COPS3: variants seen among roughly 807,000 people sequenced by gnomAD.
COPS3 encodes the protein COP9 signalosome complex subunit 3.
In COPS3, 10 loss-of-function variants were observed where a neutral mutation model predicts 58.2. The ratio of observed to expected loss-of-function variants is 0.17; its 90% confidence interval spans 0.11 to 0.29. The LOEUF is 0.29. Among genes scored for constraint, COPS3 ranks in the 10% least tolerant of loss-of-function variants. The pLI is 1.00. For missense variants in COPS3, 333 were observed against 510.1 expected (o/e 0.65, Z 3.34); for synonymous variants, 187 against 181.7 (o/e 1.03, Z -0.24).
At chr17:17,257,886 G>T (rs2048013960) in intron 8 of COPS3, among the ~76,000 whole-genome samples, 1 of 152,038 alleles carries the variant, frequency 6.6e-6, no homozygotes, top group Non-Finnish European at 1.5e-5. Flanking sequence ...AGAGGTGGCA[G>T]ATTTAACCCA....
At chr17:17,267,284 G>A (rs2145231759) in intron 5 of COPS3, among the ~76,000 whole-genome samples, 1 of 147,826 alleles carries the variant, frequency 6.8e-6, no homozygotes, top group African/African-American at 2.5e-5. Flanking sequence ...CTTGCAGTGA[G>A]CTGAGATGGC....
At chr17:17,274,445 CAG>C (rs942598240) in intron 2 of COPS3, among the ~76,000 whole-genome samples, 6 of 43,110 alleles carry the variant, frequency 1.4e-4, no homozygotes, top group African/African-American at 4.2e-4. Context: ...TTTTTTGAGA[CAG>C]AGTCTCACAC....
At chr17:17,279,985 C>G (rs763251462) in intron 1 of COPS3, among the ~76,000 whole-genome samples, 19 of 152,168 alleles carry the variant, frequency 1.2e-4, no homozygotes, top group Non-Finnish European at 1.8e-4. Context: ...GGAGTCCTGG[C>G]CGGGCGCAGT....
intron 1 of COPS3, among the ~76,000 whole-genome samples, chr17:17,278,248 T>C (rs1389973528): frequency 1.3e-5 from 2 of 152,220 alleles, no homozygotes; most frequent in Non-Finnish European, 2.9e-5. Flanking sequence ...ACACTCTGTC[T>C]TTCTGGTAAC....
chr17:17,264,281 T>C (rs1238817610), intron 6 of COPS3, among the ~76,000 whole-genome samples: 1 of 152,204 alleles, frequency 6.6e-6, no homozygotes, highest in Non-Finnish European at 1.5e-5. Flanking sequence ...TGTATCTCTT[T>C]TTCAGAGTCT....
At position 17,281,222 on chromosome 17, in the gene COPS3, A is replaced by G. The variant is rs750097579; in HGVS notation, c.-36T>C. On this transcript the variant is annotated 5_prime_UTR_variant, in exon 1 of 12. Coordinates refer to ENST00000268717, the MANE Select transcript of COPS3 (RefSeq NM_003653.4). Reference sequence around the variant, plus strand: ...GGGCGGCCCGAGCGGCGAAGGCAGCACGCGCGGGAAAAGGCTGCCGCTCTG... The same window carrying G: ...GGGCGGCCCGAGCGGCGAAGGCAGCGCGCGCGGGAAAAGGCTGCCGCTCTG... 1 of 1,595,680 alleles carries G rather than the reference A, an allele frequency of 6.3e-7. No homozygotes were observed. Among genetic ancestry groups the G allele is most frequent in the South Asian group, 1.1e-5 (1 of 88,620 alleles).
intron 7 of COPS3, 161 bp downstream of exon 7, chr17:17,261,805 G>T: frequency 1.7e-6 from 1 of 596,640 alleles, no homozygotes; most frequent in Non-Finnish European, 2.9e-6. Context: ...TTCCAATCAG[G>T]TAATGAGAAT....
intron 7 of COPS3, among the ~76,000 whole-genome samples, chr17:17,261,191 C>T (rs1345852562): frequency 7.9e-5 from 12 of 152,174 alleles, no homozygotes; most frequent in Non-Finnish European, 1.5e-4. Flanking sequence ...TTTCTCACAC[C>T]TCACCAGATG....
chr17:17,260,120 G>C (rs561587944), intron 8 of COPS3, among the ~76,000 whole-genome samples, 181 bp downstream of exon 8: 1 of 152,220 alleles, frequency 6.6e-6, no homozygotes, highest in African/African-American at 2.4e-5. Flanking sequence ...GCCCTGAAAA[G>C]ACCAAAGGTA....
chr17:17,257,789 T>C (rs1412313144), intron 8 of COPS3, among the ~76,000 whole-genome samples: 1 of 133,474 alleles, frequency 7.5e-6, no homozygotes, highest in Admixed American at 8.1e-5. Flanking sequence ...AGAGCAAGAC[T>C]CCGTCTCAAA....
chr17:17,280,836 A>G (rs2048566730), intron 1 of COPS3: 2 of 1,216,320 alleles, frequency 1.6e-6, no homozygotes, highest in Non-Finnish European at 2.2e-6. Context: ...GGCGGAAGTC[A>G]CGCCCCCAAA....
intron 5 of COPS3, among the ~76,000 whole-genome samples, chr17:17,265,972 T>C (rs1034983714): frequency 6.6e-6 from 1 of 152,240 alleles, no homozygotes; most frequent in Non-Finnish European, 1.5e-5. Flanking sequence ...CTTAGAACAG[T>C]TATCTAGCTA....
chr17:17,275,422 C>T (rs1173689666), intron 2 of COPS3, among the ~76,000 whole-genome samples: 3 of 152,116 alleles, frequency 2.0e-5, no homozygotes, highest in African/African-American at 7.2e-5. Context: ...GACAGTCTCG[C>T]TCTGTCACCC....
rs960704335 is a variant in COPS3 at position 17,280,805 on chromosome 17, T to C, written c.55+327A>G. ...AGGCAAGAGAGACAGAAGGAACCAA[T>C]AGTCGCCCGAGATGGCTCCTGGCGG... On this transcript the variant is annotated intron_variant, in intron 1 of 11. Transcript: ENST00000268717. 5.2e-5 allele frequency: 65 copies of C among 1,260,162 alleles called. No homozygotes were observed. In the African/African-American group the frequency reaches 8.6e-4, roughly 17 times the overall value. 78.1% of individuals were successfully genotyped at this position (1,260,162 alleles called of 1,614,324 possible).
At chr17:17,273,420 G>A (rs1230913054) in intron 2 of COPS3, among the ~76,000 whole-genome samples, 5 of 152,178 alleles carry the variant, frequency 3.3e-5, no homozygotes, top group Non-Finnish European at 1.5e-5. Flanking sequence ...TGCTGGTAAG[G>A]ATTTCTACTG....
intron 2 of COPS3, among the ~76,000 whole-genome samples, chr17:17,272,140 T>G (rs1036691112): frequency 6.6e-6 from 1 of 151,038 alleles, no homozygotes; most frequent in African/African-American, 2.4e-5. Context: ...ATACAAAAAT[T>G]GGCCAGGCAC....
intron 4 of COPS3, 165 bp from the exon 5 acceptor site, chr17:17,268,142 G>A: frequency 9.3e-7 from 1 of 1,072,062 alleles, no homozygotes; most frequent in Non-Finnish European, 1.2e-6. Flanking sequence ...ATTTAAGTCA[G>A]AAAACTTTTC....
intron 1 of COPS3, among the ~76,000 whole-genome samples, chr17:17,278,138 A>G (rs1458421691): frequency 1.3e-5 from 2 of 152,086 alleles, no homozygotes; most frequent in Admixed American, 6.6e-5. Flanking sequence ...GCAACAGAGC[A>G]AGACTCCGTT....
At chr17:17,276,727 C>A (rs140503095) in intron 1 of COPS3, among the ~76,000 whole-genome samples, 17,240 of 152,084 alleles carry the variant, frequency 0.11, 1,221 homozygotes, top group South Asian at 0.22. Flanking sequence ...TGCCACTGCA[C>A]CTGGCTAATT....
Sources: gnomAD v4.1 joint callset for allele counts (sites outside exome capture counted in the v4.1 genomes callset) on GRCh38, gnomAD v4.1.1 for gene constraint, MANE v1.5 for transcripts, NCBI Gene and HGNC (gene_info 2026-07-23, HGNC 2026-07-21) for gene names.